The following NDST1 variants were observed in gnomAD, a reference collection of about 807,000 sequenced individuals.
NDST1 encodes bifunctional heparan sulfate N-deacetylase/N-sulfotransferase 1.
Under a neutral mutation model 92.8 loss-of-function variants are expected in NDST1, and 35 were observed. The ratio of observed to expected loss-of-function variants is 0.38; its 90% CI spans 0.29 to 0.50. The LOEUF is 0.50. Ranked by LOEUF, NDST1 falls within the 20% of genes least tolerant of loss-of-function variation. The pLI is 0.94. For synonymous variants in NDST1, 493 were observed against 500.3 expected (o/e 0.99, Z 0.19); for missense variants, 822 against 1,182.7 (o/e 0.69, Z 4.47).
At chr5:150,515,950 A>G (rs1334407859) in intron 1 of NDST1, among the ~76,000 whole-genome samples, 1 of 151,874 alleles carries the variant, frequency 6.6e-6, no homozygotes, top group South Asian at 2.1e-4. Context: ...CTACAAAGCA[A>G]CTGGCTTCCC....
chr5:150,509,969 G>A (rs1753644933), intron 1 of NDST1, among the ~76,000 whole-genome samples: 1 of 151,496 alleles, frequency 6.6e-6, no homozygotes, highest in South Asian at 2.1e-4. Flanking sequence ...CCTGGGCCTG[G>A]TCACCTCCAG....
chr5:150,551,967 A>G (rs757075124), intron 14 of NDST1, 112 bp downstream of exon 14: 3 of 1,505,106 alleles, frequency 2.0e-6, no homozygotes, highest in Non-Finnish European at 2.7e-6. Flanking sequence ...TCATGGCCTT[A>G]GCATTTCTTG....
At chr5:150,530,644 G>A (rs1480978313) in intron 3 of NDST1, among the ~76,000 whole-genome samples, 2 of 144,244 alleles carry the variant, frequency 1.4e-5, no homozygotes, top group Non-Finnish European at 3.0e-5. Flanking sequence ...GCTCACTTAA[G>A]TGATCCTAAG....
At chr5:150,546,324 C>T (rs915557540) in intron 11 of NDST1, among the ~76,000 whole-genome samples, 2 of 152,176 alleles carry the variant, frequency 1.3e-5, no homozygotes, top group East Asian at 1.9e-4. Context: ...ATGCCTATGG[C>T]CTGACTTAAT....
Position 150,555,203 on chromosome 5 carries a change from C to A in NDST1, c.*1871C>A, listed in dbSNP as rs1276009145. ...ACTCTGTGCCAGGTTCCTGTCCCTTCCTCCGTCACAGCATGGTCATTCCAG... is the reference window on the plus strand; with the variant it reads ...ACTCTGTGCCAGGTTCCTGTCCCTTACTCCGTCACAGCATGGTCATTCCAG... On this transcript the variant is annotated 3_prime_UTR_variant, in exon 15 of 15. Transcript: ENST00000261797. The A allele has an allele frequency of 6.5e-6, 1 of 152,804 alleles. No homozygotes were observed. Among genetic ancestry groups the A allele is most frequent in the Non-Finnish European group, 1.5e-5 (1 of 68,144 alleles). The allele number at this position is 152,804 out of a possible 1,614,324, so 9.5% of individuals were successfully genotyped here. A position where few individuals can be genotyped will look rare whatever the true frequency, so the allele number is the denominator to read the frequency against.
chr5:150,545,554 C>A, intron 11 of NDST1, 68 bp downstream of exon 11: 1 of 1,576,136 alleles, frequency 6.3e-7, no homozygotes, highest in South Asian at 1.1e-5. Context: ...CAGTTACTCA[C>A]TCACTCAACA....
intron 2 of NDST1, 25 bp from the exon 3 acceptor site, chr5:150,527,779 C>T (rs1187620278): frequency 1.9e-6 from 3 of 1,611,976 alleles, no homozygotes; most frequent in African/African-American, 1.3e-5. Context: ...GTTCTGTTCC[C>T]CTTCCTGCCC....
At chr5:150,532,755 G>A (rs1754802679) in intron 3 of NDST1, among the ~76,000 whole-genome samples, 190 bp from the exon 4 acceptor site, 1 of 152,144 alleles carries the variant, frequency 6.6e-6, no homozygotes, top group Non-Finnish European at 1.5e-5. Flanking sequence ...TTGAACTCCT[G>A]ACCTCAAGTG....
intron 3 of NDST1, among the ~76,000 whole-genome samples, chr5:150,530,443 T>C (rs1754671691): frequency 6.6e-6 from 1 of 152,144 alleles, no homozygotes; most frequent in Admixed American, 6.6e-5. Flanking sequence ...TCCAGTGAGT[T>C]CTGGAGAGAC....
In NDST1 at chr5:150,528,130, G is replaced by T; in HGVS notation, c.840G>T (p.Leu280=). ...TGCACGACGGCATCCAGCGCGTGCT[G>T]TTTGGCAACAACCTGAACTTCTGGC... ...LGLHDGIQRV[L]FGNNLNFWLH... The change falls in exon 3 of 15, where the codon CTG becomes CTT. Residue 280 remains leucine (L), a synonymous_variant. Coordinates refer to ENST00000261797, the MANE Select transcript of NDST1 (RefSeq NM_001543.5). 1 of 1,614,218 alleles carries T rather than the reference G, an allele frequency of 6.2e-7. No individual in the cohort carries two copies. The highest frequency in any genetic ancestry group is 2.2e-5 in the East Asian group (1 of 44,886).
chr5:150,545,019 G>A (rs1361523952), intron 10 of NDST1, among the ~76,000 whole-genome samples: 3 of 152,158 alleles, frequency 2.0e-5, no homozygotes, highest in African/African-American at 4.8e-5. Flanking sequence ...GTTTAGGATT[G>A]AGGGGCATTA....
At position 150,540,266 on chromosome 5, in the gene NDST1, T is replaced by TGG. The variant is rs528143978; in HGVS notation, c.1749+7_1749+8dup. ...GAGGAGAAGGACCCGCTCTGGCAGG[T>TGG]GGGGGGCTGGGCAGCCTGGGCAGGT... is the stretch of plus-strand genomic sequence containing the variant. On this transcript the variant is annotated splice_region_variant and intron_variant, in intron 8 of 14. Transcript: ENST00000261797. The TGG allele has an allele frequency of 1.9e-6, 3 of 1,599,488 alleles. No individual in the cohort carries two copies. The African/African-American group carries it at 4.0e-5, about 21-fold the overall frequency.
rs1561614849 is a variant in NDST1, at chr5:150,558,136, T to G, written c.*4804T>G. On this transcript the variant is annotated 3_prime_UTR_variant, in exon 15 of 15. Transcript: ENST00000261797. The stretch of plus-strand genomic sequence containing the variant: ...GGCTCTCGAACCAGCCGTTTTGGGT[T>G]GTGTTAAAGGTGAGACCTTCCTCCA... The G allele has an allele frequency of 6.6e-6, 1 of 152,594 alleles. No individual in the cohort carries two copies. The highest frequency in any genetic ancestry group is 1.5e-5 in the Non-Finnish European group (1 of 68,066). The allele number at this position is 152,594 out of a possible 1,614,324, so 9.5% of individuals were successfully genotyped here.
rs1755820623 is a variant in NDST1 at position 150,554,104 on chromosome 5, A to G, written c.*772A>G. 5.0e-6 allele frequency: 2 copies of G among 401,144 alleles called. No individual in the cohort carries two copies. Among genetic ancestry groups the G allele is most frequent in the South Asian group, 1.2e-4 (1 of 8,034 alleles). 24.8% of individuals were successfully genotyped at this position (401,144 alleles called of 1,614,324 possible). A position where few individuals can be genotyped will look rare whatever the true frequency, so the allele number is the denominator to read the frequency against. The stretch of plus-strand genomic sequence containing the variant: ...GAGGCAGGCCAGGGGTCTGCCAGTA[A>G]CATGTTCCCATGTACAGACACGGTC... On this transcript the variant is annotated 3_prime_UTR_variant, in exon 15 of 15. Transcript: ENST00000261797.
rs574830993 is a variant in NDST1 at position 150,521,198 on chromosome 5, G to A, written c.-57G>A. 2 of 1,518,794 alleles carry A rather than the reference G, an allele frequency of 1.3e-6. No individual in the cohort carries two copies. Among genetic ancestry groups the A allele is most frequent in the Non-Finnish European group, 8.9e-7 (1 of 1,127,062 alleles). 94.1% of individuals were successfully genotyped at this position (1,518,794 alleles called of 1,614,324 possible). A position where few individuals can be genotyped will look rare whatever the true frequency, so the allele number is the denominator to read the frequency against. ...ATTCTCGTGTCTCCTCCTGTGTGGG[G>A]CCTTGGGGTAGCCAGGGCAGGCCGG... is the stretch of plus-strand genomic sequence containing the variant. On this transcript the variant is annotated 5_prime_UTR_variant, in exon 2 of 15. Transcript: ENST00000261797. This position sits in a 1 kb window ranked among gnomAD's most constrained non-coding sequence, Gnocchi z 5.9.
At chr5:150,503,272 G>A (rs575567910), upstream of NDST1, among the ~76,000 whole-genome samples, 27 of 152,088 alleles carry the variant, frequency 1.8e-4, no homozygotes, top group African/African-American at 5.3e-4. Context: ...GAGAAACCCC[G>A]TCTCTACTAA....
At chr5:150,499,451 G>T (rs763807461) in intron 1 of NDST1, among the ~76,000 whole-genome samples, 1 of 152,304 alleles carries the variant, frequency 6.6e-6, no homozygotes, top group East Asian at 1.9e-4. Context: ...CTCCTACCTT[G>T]TTCCTTTGTG....
At position 150,534,852 on chromosome 5, in the gene NDST1, C is replaced by T. The variant is rs1185478143; in HGVS notation, c.1097-15C>T. ...TGGCCCAGTGGGTGGTTCTGAGCTG[C>T]CTGTGTTGCTGCAGGTACCAATGCT... On this transcript the variant is annotated splice_polypyrimidine_tract_variant and intron_variant, in intron 4 of 14. Coordinates refer to ENST00000261797, the MANE Select transcript of NDST1 (RefSeq NM_001543.5). 1 of 1,614,202 alleles carries T rather than the reference C, an allele frequency of 6.2e-7. No individual in the cohort carries two copies. The highest frequency in any genetic ancestry group is 8.5e-7 in the Non-Finnish European group (1 of 1,180,036).
intron 6 of NDST1, among the ~76,000 whole-genome samples, chr5:150,537,005 C>T (rs1356334066): frequency 1.3e-5 from 2 of 152,226 alleles, no homozygotes; most frequent in African/African-American, 2.4e-5. Context: ...AAGTCAGGGA[C>T]CCCGAACAGA....
Sources: allele counts gnomAD v4.1 joint callset (sites outside exome capture counted in the v4.1 genomes callset), GRCh38; gene constraint gnomAD v4.1.1; non-coding constraint Gnocchi (gnomAD v3.1); transcripts MANE v1.5; gene names NCBI Gene and HGNC (gene_info 2026-07-23, HGNC 2026-07-21).